ZPR1: variants seen among roughly 807,000 people sequenced by gnomAD.
ZPR1 encodes the protein ZPR1 zinc finger, also known as zinc finger protein ZPR1.
In ZPR1, 37 loss-of-function variants were observed where a neutral mutation model predicts 59.6. That is an observed-to-expected ratio of 0.62 (90% CI 0.48 to 0.82). The LOEUF is 0.82. Ranked by LOEUF, ZPR1 falls within the 40% of genes least tolerant of loss-of-function variation. ZPR1 has a pLI of 0.00. For synonymous variants in ZPR1, 191 were observed against 215.2 expected (o/e 0.89, Z 0.99); for missense variants, 527 against 579.9 (o/e 0.91, Z 0.94).
Position 116,785,572 on chromosome 11 carries a change from G to A in ZPR1, c.647C>T (p.Ala216Val), listed in dbSNP as rs777506725. Residue 216 changes from alanine (A) to valine (V), a missense_variant, in exon 6 of 14, where the codon GCC becomes GTC. By Grantham distance (64) the Ala-to-Val change is moderately conservative. Transcript: ENST00000227322. ...ENPHAPQKDD[A>V]LVITHYNRTR... ...CCGGTTGTAGTGTGTGATCACCAGGGCATCATCTTTCTGAGGAGCATGTGG... is the reference window on the plus strand; with the variant it reads ...CCGGTTGTAGTGTGTGATCACCAGGACATCATCTTTCTGAGGAGCATGTGG... The A allele has an allele frequency of 5.1e-5, 83 of 1,613,998 alleles. No homozygotes were observed. The highest frequency in any genetic ancestry group is 6.8e-5 in the Non-Finnish European group (80 of 1,180,034).
intron 5 of ZPR1, 60 bp from the exon 6 acceptor site, chr11:116,785,696 CCTA>C: frequency 1.2e-6 from 2 of 1,613,630 alleles, no homozygotes; most frequent in Non-Finnish European, 1.7e-6. Flanking sequence ...TCCTACATCA[CCTA>C]CTATCAGACC....
intron 13 of ZPR1, 137 bp downstream of exon 13, chr11:116,779,635 G>T: frequency 2.6e-5 from 15 of 580,698 alleles, no homozygotes; most frequent in East Asian, 3.1e-5. Flanking sequence ...TCTCCCTTAT[G>T]TATCTTCTAA....
At chr11:116,784,318 A>G in intron 9 of ZPR1, 60 bp downstream of exon 9, 1 of 1,561,466 alleles carries the variant, frequency 6.4e-7, no homozygotes, top group South Asian at 1.1e-5. Flanking sequence ...AGGAAGAATG[A>G]TAGTTAAAAG....
chr11:116,781,728 G>A (rs1285155054), intron 12 of ZPR1, among the ~76,000 whole-genome samples: 2 of 152,124 alleles, frequency 1.3e-5, no homozygotes, highest in African/African-American at 4.8e-5. Flanking sequence ...AAAACCAGAA[G>A]AGGGCCAGGT....
Position 116,784,425 on chromosome 11 carries a change from T to C in ZPR1, c.844A>G (p.Ile282Val), listed in dbSNP as rs1332691781. 6.2e-7 allele frequency: 1 copy of C among 1,614,086 alleles called. No individual in the cohort carries two copies. Among genetic ancestry groups the C allele is most frequent in the African/African-American group, 1.3e-5 (1 of 74,928 alleles). The change falls in exon 9 of 14, where the codon ATC becomes GTC. Residue 282 changes from isoleucine (I) to valine (V), a missense_variant. Coordinates refer to ENST00000227322, the MANE Select transcript of ZPR1 (RefSeq NM_003904.5). ...TTCTCGCAGTTGGTAGCCATGATGA[T>C]AACCTCCTTAAAGTGAGGGATTTCT... is the stretch of plus-strand genomic sequence containing the variant. ...LVQIPHFKEV[I>V]IMATNCENCG...
chr11:116,781,984 C>T (rs1473986442), intron 12 of ZPR1, among the ~76,000 whole-genome samples, 174 bp downstream of exon 12: 1 of 151,648 alleles, frequency 6.6e-6, no homozygotes, highest in African/African-American at 2.4e-5. Flanking sequence ...TGCACTCCAG[C>T]CTGGGCAACA....
intron 9 of ZPR1, 69 bp downstream of exon 9, chr11:116,784,309 G>A: frequency 1.3e-6 from 2 of 1,543,468 alleles, no homozygotes; most frequent in Non-Finnish European, 1.8e-6. Flanking sequence ...GAAGTACTTA[G>A]GAAGAATGAT....
At position 116,774,002 on chromosome 11, in the gene ZPR1, G is replaced by A. The variant is rs1057264810; in HGVS notation, c.*4923C>T. The A allele has an allele frequency of 1.3e-5, 2 of 152,156 alleles. No individual in the cohort carries two copies. Among genetic ancestry groups the A allele is most frequent in the African/African-American group, 4.8e-5 (2 of 41,426 alleles). 9.4% of individuals were successfully genotyped at this position (152,156 alleles called of 1,614,324 possible). A position where few individuals can be genotyped will look rare whatever the true frequency, so the allele number is the denominator to read the frequency against. On this transcript the variant is annotated 3_prime_UTR_variant, in exon 14 of 14. Transcript: ENST00000227322. Reference sequence around the variant, plus strand: ...GGAGTAGAGGCTAGCGAAGTGGGGTGCAAGAGGTCATCCAAATTTCTTGAA... The same window carrying A: ...GGAGTAGAGGCTAGCGAAGTGGGGTACAAGAGGTCATCCAAATTTCTTGAA...
intron 10 of ZPR1, 26 bp from the exon 11 acceptor site, chr11:116,783,055 C>G (rs768363152): frequency 6.3e-7 from 1 of 1,596,600 alleles, no homozygotes; most frequent in Non-Finnish European, 8.6e-7. Context: ...TCAGTTTAAG[C>G]TTTAAGTCAG....
At position 116,776,547 on chromosome 11, in the gene ZPR1, G is replaced by C. The variant is rs918603527; in HGVS notation, c.*2378C>G. 1 of 152,194 alleles carries C rather than the reference G, an allele frequency of 6.6e-6. No individual in the cohort carries two copies. The highest frequency in any genetic ancestry group is 2.4e-5 in the African/African-American group (1 of 41,434). 9.4% of individuals were successfully genotyped at this position (152,194 alleles called of 1,614,324 possible). A position where few individuals can be genotyped will look rare whatever the true frequency, so the allele number is the denominator to read the frequency against. ...AGCTGAAAGATAATTCAAGAGAAGG[G>C]TATGAAACTGAAGAATGCCTTGTCA... On this transcript the variant is annotated 3_prime_UTR_variant, in exon 14 of 14. Coordinates refer to ENST00000227322, the MANE Select transcript of ZPR1 (RefSeq NM_003904.5).
chr11:116,787,749 G>A (rs1940912169), intron 1 of ZPR1, 71 bp downstream of exon 1: 10 of 1,523,590 alleles, frequency 6.6e-6, no homozygotes, highest in Non-Finnish European at 8.8e-6. Flanking sequence ...CCACCTGGCT[G>A]GGTCTGACCC....
chr11:116,778,743 CTCACACTTGCA>C lies in ZPR1; in HGVS notation c.*171_*181del. On this transcript the variant is annotated 3_prime_UTR_variant, in exon 14 of 14. Coordinates refer to ENST00000227322, the MANE Select transcript of ZPR1 (RefSeq NM_003904.5). Reference sequence around the variant, plus strand: ...AAATAAGGTCAAGTAACACAATAGGCTCACACTTGCATCACAAGCTGTTTAGAAAGTGTGCA... The same window carrying C: ...AAATAAGGTCAAGTAACACAATAGGCTCACAAGCTGTTTAGAAAGTGTGCA... The C allele has an allele frequency of 1.3e-6, 1 of 764,084 alleles. No individual in the cohort carries two copies. Among genetic ancestry groups the C allele is most frequent in the Admixed American group, 3.2e-5 (1 of 31,204 alleles). The allele number at this position is 764,084 out of a possible 1,614,324, so 47.3% of individuals were successfully genotyped here. A position where few individuals can be genotyped will look rare whatever the true frequency, so the allele number is the denominator to read the frequency against.
intron 8 of ZPR1, 159 bp from the exon 9 acceptor site, chr11:116,784,607 C>T: frequency 1.2e-6 from 1 of 829,386 alleles, no homozygotes; most frequent in Admixed American, 2.0e-5. Flanking sequence ...GGCAAGTTCC[C>T]AACCCATGGC....
At chr11:116,782,322 T>C (rs1940820077) in intron 11 of ZPR1, 78 bp from the exon 12 acceptor site, 4 of 1,265,838 alleles carry the variant, frequency 3.2e-6, no homozygotes, top group Non-Finnish European at 3.4e-6. Flanking sequence ...AGGCAGGGGG[T>C]GACAGTGGGT....
In ZPR1 at chr11:116,785,881, G is replaced by T; in HGVS notation, c.497C>A (p.Ala166Glu). The T allele has an allele frequency of 6.2e-7, 1 of 1,613,932 alleles. No individual in the cohort carries two copies. The highest frequency in any genetic ancestry group is 8.5e-7 in the Non-Finnish European group (1 of 1,179,846). Residue 166 changes from alanine to glutamate, a missense_variant and splice_region_variant, in exon 5 of 14, where the codon GCA (alanine) becomes GAA (glutamate). Ala to Glu is a moderately radical substitution (Grantham distance 107). Transcript: ENST00000227322. Reference sequence around the variant, plus strand: ...TCTTTCAGCTGTAGCATCTTTGTTTGCCTGCCATGAACAGAGAGTAAAGCA... The same window carrying T: ...TCTTTCAGCTGTAGCATCTTTGTTTTCCTGCCATGAACAGAGAGTAAAGCA... ...GLEQDQPARR[A>E]NKDATAERID...
intron 1 of ZPR1, 44 bp downstream of exon 1, chr11:116,787,775 AC>A: frequency 6.5e-7 from 1 of 1,527,916 alleles, no homozygotes; most frequent in Non-Finnish European, 8.8e-7. Context: ...TCGTCCCGGC[AC>A]AAGCCCTACC....
In ZPR1 at chr11:116,786,558, TCA is replaced by T. The variant is rs1198293310; in HGVS notation, c.446_447del (p.Leu149TyrfsTer24). On this transcript the variant is annotated frameshift_variant, in exon 4 of 14. Transcript: ENST00000227322. LOFTEE classifies it high-confidence loss of function. The stretch of plus-strand genomic sequence containing the variant: ...TCCAGGCCAGAGATAGCACGGGTGA[TCA>T]ATCCTTCAACAGTGGTCAGAGCTTG... ...QKGALTTVEG[L>X]ITRAISGLEQ... is the part of the protein sequence containing the mutation. 1 of 1,614,086 alleles carries T rather than the reference TCA, an allele frequency of 6.2e-7. No individual in the cohort carries two copies. The highest frequency in any genetic ancestry group is 8.5e-7 in the Non-Finnish European group (1 of 1,180,044).
intron 8 of ZPR1, 60 bp from the exon 9 acceptor site, chr11:116,784,508 A>G (rs2134196640): frequency 6.8e-7 from 1 of 1,468,742 alleles, no homozygotes; most frequent in East Asian, 2.3e-5. Flanking sequence ...TCTGGGGAAA[A>G]ACAAAGCCAA....
At chr11:116,786,360 T>C in intron 4 of ZPR1, 151 bp downstream of exon 4, 1 of 752,886 alleles carries the variant, frequency 1.3e-6, no homozygotes, top group East Asian at 2.6e-5. Flanking sequence ...AGACAATAAT[T>C]ATAACATATG....
Sources: allele counts gnomAD v4.1 joint callset (sites outside exome capture counted in the v4.1 genomes callset), GRCh38; gene constraint gnomAD v4.1.1; transcripts MANE v1.5; gene names NCBI Gene and HGNC (gene_info 2026-07-23, HGNC 2026-07-21).